Variants in SPRY3 observed in about 807,000 individuals in gnomAD.
SPRY3 encodes sprouty RTK signaling antagonist 3.
SPRY3 carries 15 observed loss-of-function variants against 20.2 expected under a neutral mutation model. The observed-to-expected ratio is 0.74, with a 90% confidence interval of 0.50 to 1.14. The LOEUF is 1.14. SPRY3 is among the 50% of genes most tolerant of loss of function. The probability of loss-of-function intolerance (pLI) is 0.00; values close to 1 mark genes in which losing one functional copy is unlikely to be tolerated. For missense variants in SPRY3, 364 were observed against 363.9 expected, an observed-to-expected ratio of 1.00 and a Z score of 0.00; for synonymous variants, 143 against 136.5, an observed-to-expected ratio of 1.05 and a Z score of -0.33.
intron 1 of SPRY3, among the ~76,000 whole-genome samples, chrX:155,636,513 A>T (rs887629130): frequency 3.6e-5 from 4 of 111,396 alleles, no homozygotes; most frequent in South Asian, 7.4e-4. Context: ...CCAAAACCAT[A>T]TGGTGTATAT....
At chrX:155,614,272 CA>C (rs781910157) in intron 1 of SPRY3, among the ~76,000 whole-genome samples, 1 of 111,412 alleles carries the variant, frequency 9.0e-6, no homozygotes, top group Admixed American at 9.5e-5. Context: ...AATGGGAAAA[CA>C]AAAAAAGTTT....
At chrX:155,781,333 T>C (rs1440354515), downstream of SPRY3, 2 of 167,014 alleles carry the variant, frequency 1.2e-5, no homozygotes, top group Non-Finnish European at 2.9e-5. Flanking sequence ...AGTGGTGTTG[T>C]AGAAATCACA....
intron 2 of SPRY3, among the ~76,000 whole-genome samples, chrX:155,706,756 C>A (rs1002111560): frequency 6.6e-6 from 1 of 150,840 alleles, no homozygotes; most frequent in African/African-American, 2.4e-5. Flanking sequence ...TGGGCTAAAT[C>A]CCTGGGAGGC....
At chrX:155,763,685 G>C (rs1174012100) in intron 2 of SPRY3, among the ~76,000 whole-genome samples, 1 of 152,116 alleles carries the variant, frequency 6.6e-6, no homozygotes, top group Admixed American at 6.5e-5. Flanking sequence ...TACCAATCCA[G>C]ATTTCCATGT....
chrX:155,740,314 A>G (rs1319834864), intron 2 of SPRY3, among the ~76,000 whole-genome samples: 1 of 152,148 alleles, frequency 6.6e-6, no homozygotes, highest in Admixed American at 6.5e-5. Context: ...AATTTTAGGG[A>G]GCAAGGGAAG....
At chrX:155,751,849 G>T (rs1389898144) in intron 2 of SPRY3, among the ~76,000 whole-genome samples, 1 of 150,746 alleles carries the variant, frequency 6.6e-6, no homozygotes, top group Non-Finnish European at 1.5e-5. Context: ...AAAAAAGTAA[G>T]AGACATATAG....
chrX:155,721,273 A>G (rs746084862), intron 2 of SPRY3, among the ~76,000 whole-genome samples: 15 of 152,268 alleles, frequency 9.9e-5, no homozygotes, highest in South Asian at 4.2e-4. Flanking sequence ...AAAAAAGAAT[A>G]AAAACAATGA....
At chrX:155,737,897 G>C (rs2091179487) in intron 2 of SPRY3, among the ~76,000 whole-genome samples, 1 of 152,074 alleles carries the variant, frequency 6.6e-6, no homozygotes, top group Non-Finnish European at 1.5e-5. Flanking sequence ...ATTGGAATGT[G>C]GGAATATAAG....
intron 2 of SPRY3, among the ~76,000 whole-genome samples, chrX:155,667,370 GA>G (rs1431824546): frequency 9.0e-6 from 1 of 110,952 alleles, no homozygotes; most frequent in Non-Finnish European, 1.9e-5. Flanking sequence ...CAAATAGGGG[GA>G]AATTGGTAAT....
intron 2 of SPRY3, among the ~76,000 whole-genome samples, chrX:155,767,296 C>G (rs1341843951): frequency 2.0e-5 from 3 of 151,950 alleles, no homozygotes; most frequent in East Asian, 1.9e-4. Context: ...CCCCTATAAC[C>G]CATTCACAAG....
chrX:155,667,890 AT>A (rs782435706), intron 2 of SPRY3, among the ~76,000 whole-genome samples: 8 of 111,708 alleles, frequency 7.2e-5, no homozygotes, highest in Admixed American at 5.7e-4. Context: ...TCATCAAGAA[AT>A]GAACATTAAA....
rs1428924434 is a variant in SPRY3, at chrX:155,749,864, AT to A, written c.-281-18094del. 2.6e-5 allele frequency among the ~76,000 whole-genome samples: 4 copies of A among 151,876 alleles called. No homozygotes were observed. The East Asian group carries it at 5.8e-4, about 22-fold the overall frequency. On this transcript the variant is annotated intron_variant, in intron 2 of 3. Coordinates refer to ENST00000675360, the Ensembl canonical transcript of SPRY3. ...ATGTGTTTTAAATATTCAATTGGAG[AT>A]TTTGAATACCCAGTGGGATACATTA...
At chrX:155,773,844 C>T (rs1339459947) in exon 4 of SPRY3, 6 of 1,600,368 alleles carry the variant, frequency 3.7e-6, no homozygotes, top group African/African-American at 1.3e-5. Context: ...TGACTTAAAA[C>T]CACTCAGAGC....
chrX:155,694,762 A>G (rs750257691), intron 2 of SPRY3, among the ~76,000 whole-genome samples: 1 of 111,454 alleles, frequency 9.0e-6, no homozygotes, highest in East Asian at 2.8e-4. Flanking sequence ...GATCCCTCAC[A>G]TGCGCAGTTC....
chrX:155,713,025 T>C (rs1169314447), intron 2 of SPRY3, among the ~76,000 whole-genome samples: 1 of 152,082 alleles, frequency 6.6e-6, no homozygotes, highest in Admixed American at 6.6e-5. Flanking sequence ...TCCCTTTATG[T>C]CTTACTGTAC....
intron 2 of SPRY3, among the ~76,000 whole-genome samples, chrX:155,723,288 G>A (rs1211824499): frequency 6.6e-6 from 1 of 151,988 alleles, no homozygotes; most frequent in African/African-American, 2.4e-5. Flanking sequence ...AATCCTTTAG[G>A]TATATACCCA....
intron 2 of SPRY3, among the ~76,000 whole-genome samples, chrX:155,710,592 T>C (rs1686339666): frequency 6.6e-6 from 1 of 151,818 alleles, no homozygotes; most frequent in Non-Finnish European, 1.5e-5. Context: ...AAATATAAGA[T>C]CATATCATCT....
chrX:155,638,112 G>A (rs1454247078), intron 1 of SPRY3, among the ~76,000 whole-genome samples: 1 of 102,889 alleles, frequency 9.7e-6, no homozygotes, highest in Admixed American at 1.1e-4. Flanking sequence ...GTTTCTTATT[G>A]GGTTGCCTTT....
intron 2 of SPRY3, among the ~76,000 whole-genome samples, chrX:155,697,903 C>A (rs935642370): frequency 1.8e-5 from 2 of 110,204 alleles, no homozygotes; most frequent in African/African-American, 6.6e-5. Context: ...CAATCTTTCT[C>A]AAAAAATAGT....
Sources: allele counts gnomAD v4.1 joint callset (sites outside exome capture counted in the v4.1 genomes callset), GRCh38; gene constraint gnomAD v4.1.1; transcripts MANE v1.5; gene names NCBI Gene and HGNC (gene_info 2026-07-23, HGNC 2026-07-21).